The following GPHN variants were observed in gnomAD, a reference collection of about 807,000 sequenced individuals.
GPHN encodes gephyrin.
A neutral mutation model predicts 95.5 loss-of-function variants in GPHN; 17 were observed. The observed-to-expected ratio is 0.18, with a 90% CI of 0.12 to 0.27. GPHN has a LOEUF of 0.27. Ranked by LOEUF, GPHN falls within the 10% of genes least tolerant of loss-of-function variation. GPHN has a pLI of 1.00. For synonymous variants in GPHN, 320 were observed against 322.5 expected, an observed-to-expected ratio of 0.99 and a Z score of 0.08; for missense variants, 660 against 978.1, an observed-to-expected ratio of 0.67 and a Z score of 4.34.
chr14:66,943,947 G>A (rs1206703392), intron 8 of GPHN, among the ~76,000 whole-genome samples: 1 of 152,106 alleles, frequency 6.6e-6, no homozygotes, highest in Non-Finnish European at 1.5e-5. Flanking sequence ...TAATTCTTGG[G>A]GTTCCATGAA....
At chr14:67,153,991 A>G (rs1461239175) in intron 18 of GPHN, among the ~76,000 whole-genome samples, 8 of 152,232 alleles carry the variant, frequency 5.3e-5, no homozygotes, top group African/African-American at 2.4e-5. Context: ...GCTATTTTTA[A>G]AAACAATTTT....
the GPHN span, chr14:67,692,492 G>C: frequency 1.9e-6 from 3 of 1,614,064 alleles, no homozygotes; most frequent in Non-Finnish European, 2.5e-6. Flanking sequence ...GACAGGTCCA[G>C]TTTCCGCACC....
chr14:67,675,836 G>A, the GPHN span, among the ~76,000 whole-genome samples: 2 of 151,906 alleles, frequency 1.3e-5, no homozygotes, highest in Non-Finnish European at 2.9e-5. Context: ...GGTGGCTCAC[G>A]CGTCATCCCA....
chr14:67,604,145 T>A, the GPHN span, among the ~76,000 whole-genome samples: 8 of 152,112 alleles, frequency 5.3e-5, no homozygotes, highest in East Asian at 1.5e-3. Context: ...GGCGCAAAGG[T>A]TTTAGCTTTC....
intron 4 of GPHN, among the ~76,000 whole-genome samples, chr14:66,858,272 T>C (rs150078274): frequency 6.6e-6 from 1 of 151,774 alleles, no homozygotes; most frequent in East Asian, 2.0e-4. Context: ...CCCATGCTTC[T>C]GCTTGAGGAG....
the GPHN span, among the ~76,000 whole-genome samples, chr14:67,239,636 A>G: frequency 6.6e-6 from 1 of 152,224 alleles, no homozygotes; most frequent in Non-Finnish European, 1.5e-5. Flanking sequence ...AAGGTGGATC[A>G]CCTGAGGTCA....
chr14:67,386,776 T>C, the GPHN span, among the ~76,000 whole-genome samples: 3 of 152,246 alleles, frequency 2.0e-5, no homozygotes, highest in Non-Finnish European at 4.4e-5. Context: ...TTCTGTAATG[T>C]ATAATATTTA....
intron 1 of GPHN, among the ~76,000 whole-genome samples, chr14:66,558,294 T>C (rs1594956835): frequency 6.6e-6 from 1 of 152,090 alleles, no homozygotes; most frequent in East Asian, 1.9e-4. Flanking sequence ...TTTTCAGGAA[T>C]GACATAAATA....
the GPHN span, chr14:67,727,118 A>G: frequency 6.2e-7 from 1 of 1,614,208 alleles, no homozygotes; most frequent in South Asian, 1.1e-5. Context: ...GCGCTACAGC[A>G]GGGGTTTTGC....
chr14:67,173,993 C>T lies in GPHN; in HGVS notation c.2079+4957C>T, dbSNP rs550765778. Among the ~76,000 whole-genome samples the T allele has an allele frequency of 3.3e-5, 5 of 152,110 alleles. No homozygotes were observed. The South Asian group carries it at 1.0e-3, about 32-fold the overall frequency. The stretch of plus-strand genomic sequence containing the variant: ...TTGAAGATAGGTCATTTGAAATTAC[C>T]CACTCTGAAGGGGAAAAAAAGAAAT... On this transcript the variant is annotated intron_variant, in intron 21 of 22. Transcript: ENST00000478722.
At chr14:66,859,163 G>C (rs941223850) in intron 4 of GPHN, among the ~76,000 whole-genome samples, 1 of 152,118 alleles carries the variant, frequency 6.6e-6, no homozygotes, top group Non-Finnish European at 1.5e-5. Context: ...ATTGAACATA[G>C]ACAGCAGCCA....
At chr14:66,556,581 T>C (rs1047773710) in intron 1 of GPHN, among the ~76,000 whole-genome samples, 2 of 152,180 alleles carry the variant, frequency 1.3e-5, no homozygotes, top group Non-Finnish European at 2.9e-5. Flanking sequence ...TTCTGATCTA[T>C]AAAATGAAAT....
intron 2 of GPHN, among the ~76,000 whole-genome samples, chr14:66,727,503 A>G (rs1202650268): frequency 6.6e-6 from 1 of 152,224 alleles, no homozygotes; most frequent in African/African-American, 2.4e-5. Context: ...TTTCACCAAA[A>G]TACTGATAAT....
At chr14:67,169,602 A>C (rs1284948790) in intron 21 of GPHN, among the ~76,000 whole-genome samples, 4 of 152,164 alleles carry the variant, frequency 2.6e-5, no homozygotes, top group Non-Finnish European at 5.9e-5. Context: ...ACCAACACTA[A>C]CTTCAATGTG....
chr14:67,302,607 T>C, the GPHN span: 3 of 1,387,260 alleles, frequency 2.2e-6, no homozygotes, highest in Non-Finnish European at 2.8e-6. Flanking sequence ...ATTGATAGCT[T>C]TTAGAAAGCT....
At position 66,582,854 on chromosome 14, in the gene GPHN, T is replaced by G. The variant is rs1400836136; in HGVS notation, c.64+74263T>G. 2.0e-5 allele frequency among the ~76,000 whole-genome samples: 3 copies of G among 152,290 alleles called. No individual in the cohort carries two copies. The East Asian group carries it at 5.8e-4, about 29-fold the overall frequency. On this transcript the variant is annotated intron_variant, in intron 1 of 22. Coordinates refer to ENST00000478722, the MANE Select transcript of GPHN (RefSeq NM_020806.5). ...GTGCCGCAATAAACATACATGTGCA[T>G]GTGTCTTTATAGCAGCATGATTTAT...
chr14:67,070,715 A>AAAATATATAT, intron 11 of GPHN, among the ~76,000 whole-genome samples: 7 of 80,740 alleles, frequency 8.7e-5, no homozygotes, highest in Admixed American at 5.1e-4. Flanking sequence ...AAAAAAAAAA[A>AAAATATATAT]ATATATATAT....
At chr14:66,877,402 GAAAGAAAT>G (rs1422524640) in intron 4 of GPHN, among the ~76,000 whole-genome samples, 1 of 152,188 alleles carries the variant, frequency 6.6e-6, no homozygotes, top group African/African-American at 2.4e-5. Context: ...TCAGGCAAGA[GAAAGAAAT>G]AAAGGGTATT....
chr14:67,337,700 A>G, the GPHN span: 4 of 152,348 alleles, frequency 2.6e-5, no homozygotes, highest in East Asian at 7.7e-4. Context: ...GCCAAATCAA[A>G]CAGTACTAAA....
Sources: allele counts gnomAD v4.1 joint callset (sites outside exome capture counted in the v4.1 genomes callset), GRCh38; gene constraint gnomAD v4.1.1; transcripts MANE v1.5; gene names NCBI Gene and HGNC (gene_info 2026-07-23, HGNC 2026-07-21).